ARMC8: variants seen among roughly 807,000 people sequenced by gnomAD.
ARMC8 encodes armadillo repeat containing 8.
ARMC8 carries 20 observed loss-of-function variants against 99.3 expected under a neutral mutation model. That is an observed-to-expected ratio of 0.20 (90% CI 0.14 to 0.29). The LOEUF (loss-of-function observed/expected upper bound fraction) is 0.29. Among genes scored for constraint, ARMC8 ranks in the 10% least tolerant of loss-of-function variants. The pLI, the probability that ARMC8 is intolerant of heterozygous loss-of-function variation, is 1.00. For synonymous variants in ARMC8, 263 were observed against 278.3 expected (o/e 0.95, Z 0.55); for missense variants, 569 against 809.5 (o/e 0.70, Z 3.60).
chr3:138,255,195 T>G (rs970787817), intron 12 of ARMC8, among the ~76,000 whole-genome samples: 2 of 146,294 alleles, frequency 1.4e-5, no homozygotes, highest in Admixed American at 6.6e-5. Context: ...TGTTCTGTTT[T>G]TTTTTTTTTT....
chr3:138,229,289 ATC>A (rs1166727069), intron 6 of ARMC8, among the ~76,000 whole-genome samples: 1 of 146,592 alleles, frequency 6.8e-6, no homozygotes, highest in Non-Finnish European at 1.5e-5. Flanking sequence ...CACTTGACAT[ATC>A]TCTAAGGCTA....
At chr3:138,262,551 C>G in intron 12 of ARMC8, 1 of 1,611,408 alleles carries the variant, frequency 6.2e-7, no homozygotes, top group Non-Finnish European at 8.5e-7. Context: ...TAGTCTAGGT[C>G]AGTGATCTTC....
chr3:138,281,513 A>G (rs772009993), intron 18 of ARMC8, among the ~76,000 whole-genome samples: 1 of 152,054 alleles, frequency 6.6e-6, no homozygotes, highest in Non-Finnish European at 1.5e-5. Context: ...GGATGGTCTC[A>G]ATCTCTTGAC....
At chr3:138,226,720 T>G (rs948428444) in intron 5 of ARMC8, among the ~76,000 whole-genome samples, 15 of 152,172 alleles carry the variant, frequency 9.9e-5, no homozygotes, top group African/African-American at 3.6e-4. Flanking sequence ...GGGGAGAAGT[T>G]GATCCTGGCC....
chr3:138,188,636 T>C, intron 1 of ARMC8: 1 of 1,442,972 alleles, frequency 6.9e-7, no homozygotes, highest in Non-Finnish European at 9.7e-7. Flanking sequence ...AGAGGGTAGT[T>C]GGATTATAAA....
intron 21 of ARMC8, among the ~76,000 whole-genome samples, chr3:138,292,108 G>T (rs2051008684): frequency 6.6e-6 from 1 of 152,036 alleles, no homozygotes; most frequent in Admixed American, 6.6e-5. Flanking sequence ...CGTGATCTTG[G>T]CTCACTGAAA....
intron 2 of ARMC8, among the ~76,000 whole-genome samples, chr3:138,212,026 A>C (rs2044722294): frequency 6.6e-6 from 1 of 152,218 alleles, no homozygotes; most frequent in Non-Finnish European, 1.5e-5. Context: ...AGAGAATGTG[A>C]GTGATAACAT....
rs190323243 is a variant in ARMC8 at position 138,219,548 on chromosome 3, A to G, written c.123-2378A>G. ...CACTCTGGGAACTGAAAGAAGCTTCATCTAGATGGCTGAATGTTGTCATCT... is the reference window on the plus strand; with the variant it reads ...CACTCTGGGAACTGAAAGAAGCTTCGTCTAGATGGCTGAATGTTGTCATCT... On this transcript the variant is annotated intron_variant, in intron 2 of 21. Coordinates refer to ENST00000469044, the MANE Select transcript of ARMC8 (RefSeq NM_001363941.2). 1.3e-3 allele frequency among the ~76,000 whole-genome samples: 193 copies of G among 152,332 alleles called. 1 individual carries two copies. Among genetic ancestry groups the G allele is most frequent in the African/African-American group, 4.6e-3 (190 of 41,584 alleles).
intron 1 of ARMC8, 109 bp downstream of exon 1, chr3:138,187,708 C>A: frequency 1.6e-6 from 2 of 1,222,008 alleles, no homozygotes; most frequent in Non-Finnish European, 2.3e-6. Context: ...CTGGGGTGGA[C>A]CCCGGCTCAG....
At chr3:138,244,321 A>T (rs2046777266) in intron 11 of ARMC8, among the ~76,000 whole-genome samples, 1 of 152,090 alleles carries the variant, frequency 6.6e-6, no homozygotes, top group Non-Finnish European at 1.5e-5. Context: ...TCTGTTGCCC[A>T]GGCTAGAGTG....
intron 6 of ARMC8, 155 bp downstream of exon 6, chr3:138,229,165 T>C (rs1170391188): frequency 1.3e-4 from 10 of 78,688 alleles, no homozygotes; most frequent in African/African-American, 5.5e-4. Flanking sequence ...TATATATATA[T>C]ATATATATAT....
chr3:138,275,275 T>G (rs2049167967), intron 18 of ARMC8, among the ~76,000 whole-genome samples: 1 of 152,162 alleles, frequency 6.6e-6, no homozygotes, highest in Non-Finnish European at 1.5e-5. Flanking sequence ...TTCATTAAGC[T>G]GGACGGGTAC....
chr3:138,230,299 G>A (rs2045965653), intron 6 of ARMC8, among the ~76,000 whole-genome samples: 1 of 152,116 alleles, frequency 6.6e-6, no homozygotes, highest in Admixed American at 6.6e-5. Flanking sequence ...ACAAAATGAC[G>A]TCTTATAGCC....
chr3:138,218,155 A>G (rs770483706), intron 2 of ARMC8, among the ~76,000 whole-genome samples: 3 of 152,206 alleles, frequency 2.0e-5, no homozygotes, highest in Non-Finnish European at 2.9e-5. Flanking sequence ...TCAAATAACT[A>G]AAGAGACCAT....
At chr3:138,212,968 A>C (rs1328999068) in intron 2 of ARMC8, among the ~76,000 whole-genome samples, 1 of 152,234 alleles carries the variant, frequency 6.6e-6, no homozygotes, top group Non-Finnish European at 1.5e-5. Flanking sequence ...ATTTTTCTCA[A>C]TAAATGTTGT....
At chr3:138,288,922 C>G (rs2050685873) in intron 19 of ARMC8, 126 bp from the exon 20 acceptor site, 1 of 695,660 alleles carries the variant, frequency 1.4e-6, no homozygotes, top group Non-Finnish European at 2.4e-6. Context: ...CAGGCATGAG[C>G]CACCTCACCT....
At chr3:138,278,297 A>C (rs2049507691) in intron 18 of ARMC8, among the ~76,000 whole-genome samples, 1 of 152,094 alleles carries the variant, frequency 6.6e-6, no homozygotes, top group South Asian at 2.1e-4. Context: ...ACTTGAGGTC[A>C]GAAGTTCAGG....
Position 138,187,942 on chromosome 3 carries a change from C to T in ARMC8, c.45+343C>T, listed in dbSNP as rs76686020. On this transcript the variant is annotated intron_variant, in intron 1 of 21. Transcript: ENST00000469044. ...GCCTTCCTTTTAGCGATGCCGCTTCCCGGGGGCCGAACGCTCTGCCTTGTG... is the reference window on the plus strand; with the variant it reads ...GCCTTCCTTTTAGCGATGCCGCTTCTCGGGGGCCGAACGCTCTGCCTTGTG... The T allele has an allele frequency of 4.2e-4, 151 of 357,466 alleles. 3 individuals are homozygous for T. In the East Asian group the frequency reaches 7.4e-3, roughly 18 times the overall value. 22.1% of individuals were successfully genotyped at this position (357,466 alleles called of 1,614,324 possible).
At chr3:138,243,589 C>G (rs1474625596) in intron 11 of ARMC8, among the ~76,000 whole-genome samples, 1 of 152,136 alleles carries the variant, frequency 6.6e-6, no homozygotes, top group African/African-American at 2.4e-5. Context: ...CTGCTTTGAA[C>G]AGAAGTTTTG....
Sources: gnomAD v4.1 joint callset for allele counts (sites outside exome capture counted in the v4.1 genomes callset) on GRCh38, gnomAD v4.1.1 for gene constraint, MANE v1.5 for transcripts, NCBI Gene and HGNC (gene_info 2026-07-23, HGNC 2026-07-21) for gene names.